Variants in HPSE2 observed in about 807,000 individuals in gnomAD.
HPSE2 encodes the protein heparanase 2 (inactive), also known as inactive heparanase-2.
In HPSE2, 38 loss-of-function variants were observed where a neutral mutation model predicts 60.5. The ratio of observed to expected loss-of-function variants is 0.63; its 90% CI spans 0.48 to 0.82. The LOEUF (loss-of-function observed/expected upper bound fraction) is 0.82, where lower values mean the gene tolerates loss of function less well. HPSE2 is among the 40% of genes least tolerant of loss of function. The pLI, the probability that HPSE2 is intolerant of heterozygous loss-of-function variation, is 0.00. For missense variants in HPSE2, 713 were observed against 740.4 expected (o/e 0.96, Z 0.43); for synonymous variants, 295 against 293.2 (o/e 1.01, Z -0.06).
chr10:99,001,433 C>T (rs1008272282), intron 3 of HPSE2, among the ~76,000 whole-genome samples: 3 of 152,230 alleles, frequency 2.0e-5, no homozygotes, highest in South Asian at 4.1e-4. Context: ...AAATTCTCTA[C>T]TTATCTGCTT....
chr10:98,637,284 G>A (rs1254136065), intron 7 of HPSE2, among the ~76,000 whole-genome samples: 1 of 151,940 alleles, frequency 6.6e-6, no homozygotes, highest in Non-Finnish European at 1.5e-5. Context: ...TTGTCTTTCA[G>A]GTGCCAAAAA....
intron 3 of HPSE2, among the ~76,000 whole-genome samples, chr10:98,859,201 C>T (rs753746005): frequency 2.0e-5 from 3 of 152,170 alleles, no homozygotes; most frequent in Non-Finnish European, 2.9e-5. Flanking sequence ...TTGCCTACAG[C>T]TACTTTCACA....
At chr10:98,502,447 G>C (rs575503137) in intron 9 of HPSE2, among the ~76,000 whole-genome samples, 8 of 152,246 alleles carry the variant, frequency 5.3e-5, no homozygotes, top group Middle Eastern at 3.4e-3. Flanking sequence ...AATAAAGAGG[G>C]GAAACGTTAC....
At position 98,582,934 on chromosome 10, in the gene HPSE2, C is replaced by T. The variant is rs373865005; in HGVS notation, c.1320+31970G>A. 2.6e-5 allele frequency among the ~76,000 whole-genome samples: 4 copies of T among 152,248 alleles called. No individual in the cohort carries two copies. The East Asian group carries it at 5.8e-4, about 22-fold the overall frequency. On this transcript the variant is annotated intron_variant, in intron 9 of 11. Coordinates refer to ENST00000370552, the MANE Select transcript of HPSE2 (RefSeq NM_021828.5). The stretch of plus-strand genomic sequence containing the variant: ...CCCCTGCCACCCCCAACCGTTTTCT[C>T]CTCTGCAATCCCTGGCCCCAGGTAA...
intron 3 of HPSE2, among the ~76,000 whole-genome samples, chr10:98,867,740 C>T (rs556522622): frequency 5.3e-5 from 8 of 152,200 alleles, no homozygotes; most frequent in African/African-American, 1.9e-4. Context: ...TTGGAAGCAA[C>T]CTAAGTGTTC....
chr10:98,975,225 C>A (rs1305944240), intron 3 of HPSE2, among the ~76,000 whole-genome samples: 2 of 152,044 alleles, frequency 1.3e-5, no homozygotes. Flanking sequence ...AAATATCTGG[C>A]TGAATCAGTG....
chr10:98,799,874 T>C (rs1333198906), intron 3 of HPSE2, among the ~76,000 whole-genome samples: 2 of 151,138 alleles, frequency 1.3e-5, no homozygotes, highest in African/African-American at 2.4e-5. Flanking sequence ...TCTTAAAGAA[T>C]TAGAAATGCA....
At chr10:98,890,309 C>T (rs1953298099) in intron 3 of HPSE2, among the ~76,000 whole-genome samples, 1 of 151,660 alleles carries the variant, frequency 6.6e-6, no homozygotes, top group Non-Finnish European at 1.5e-5. Context: ...AAAAAAATAA[C>T]TGAAAAAAAC....
chr10:98,917,180 C>G (rs1184594377), intron 3 of HPSE2, among the ~76,000 whole-genome samples: 1 of 152,150 alleles, frequency 6.6e-6, no homozygotes, highest in Non-Finnish European at 1.5e-5. Context: ...GACACCCCCA[C>G]TCACTATTAG....
intron 3 of HPSE2, among the ~76,000 whole-genome samples, chr10:98,922,057 G>GA (rs1225797668): frequency 1.3e-5 from 2 of 151,970 alleles, no homozygotes; most frequent in Non-Finnish European, 2.9e-5. Flanking sequence ...ACCACAAGAA[G>GA]AAAAAATTAA....
chr10:98,673,959 C>T (rs1292921527), intron 6 of HPSE2, among the ~76,000 whole-genome samples: 1 of 152,096 alleles, frequency 6.6e-6, no homozygotes, highest in African/African-American at 2.4e-5. Flanking sequence ...ATATGAAACA[C>T]CTGGGAAATC....
At chr10:98,581,164 A>C (rs1944788074) in intron 9 of HPSE2, among the ~76,000 whole-genome samples, 1 of 151,822 alleles carries the variant, frequency 6.6e-6, no homozygotes, top group South Asian at 2.1e-4. Flanking sequence ...CGACTTCCCA[A>C]AGTGTTGGGA....
chr10:99,115,213 C>T lies in HPSE2; in HGVS notation c.610+29025G>A, dbSNP rs562348051. ...TGTCACCCAGGCTGGAGTGCAGTGG[C>T]GCCATCTCGGCTCACTGCAAGCTCT... is the stretch of plus-strand genomic sequence containing the variant. On this transcript the variant is annotated intron_variant, in intron 3 of 11. Transcript: ENST00000370552. Among the ~76,000 whole-genome samples, 565 of 148,154 alleles carry T rather than the reference C, an allele frequency of 3.8e-3. 5 individuals carry two copies. The highest frequency in any genetic ancestry group is 0.012 in the African/African-American group (469 of 40,428).
chr10:98,809,968 T>C (rs1160358322), intron 3 of HPSE2, among the ~76,000 whole-genome samples: 1 of 152,158 alleles, frequency 6.6e-6, no homozygotes, highest in Non-Finnish European at 1.5e-5. Flanking sequence ...CCATAGAAGA[T>C]TTTCTTGCCC....
At chr10:98,657,713 T>G (rs556542007) in intron 6 of HPSE2, among the ~76,000 whole-genome samples, 81 of 152,352 alleles carry the variant, frequency 5.3e-4, no homozygotes, top group Admixed American at 1.8e-3. Flanking sequence ...TTAAAAACAC[T>G]CTTTGTCAGA....
chr10:98,541,490 G>A (rs991505687), intron 9 of HPSE2, among the ~76,000 whole-genome samples: 10 of 152,316 alleles, frequency 6.6e-5, no homozygotes, highest in East Asian at 1.9e-4. Context: ...GCAGCACACC[G>A]TGCGCGAGCC....
chr10:98,742,974 C>CTTTTT (rs35772316), intron 4 of HPSE2, among the ~76,000 whole-genome samples: 73 of 99,722 alleles, frequency 7.3e-4, no homozygotes, highest in Non-Finnish European at 1.0e-3. Flanking sequence ...CTTTTCTTTT[C>CTTTTT]TTTTTTTTTT....
chr10:99,260,254 A>AC, the HPSE2 span, among the ~76,000 whole-genome samples: 117 of 143,066 alleles, frequency 8.2e-4, no homozygotes, highest in Middle Eastern at 0.011. Flanking sequence ...AAAAAAAAAA[A>AC]CCCTGTTGCT....
intron 3 of HPSE2, among the ~76,000 whole-genome samples, chr10:99,016,962 T>C (rs1286390795): frequency 6.6e-6 from 1 of 152,220 alleles, no homozygotes; most frequent in Admixed American, 6.5e-5. Context: ...TATAGAATCA[T>C]GTCATCTTTA....
Sources: gnomAD v4.1 joint callset for allele counts (sites outside exome capture counted in the v4.1 genomes callset) on GRCh38, gnomAD v4.1.1 for gene constraint, MANE v1.5 for transcripts, NCBI Gene and HGNC (gene_info 2026-07-23, HGNC 2026-07-21) for gene names.